NEDD4L: variants seen among roughly 807,000 people sequenced by gnomAD.
NEDD4L encodes E3 ubiquitin-protein ligase NEDD4-like.
A neutral mutation model predicts 148.9 loss-of-function variants in NEDD4L; 54 were observed. The ratio of observed to expected loss-of-function variants is 0.36; its 90% CI spans 0.29 to 0.45. NEDD4L has a LOEUF of 0.45. Among genes scored for constraint, NEDD4L ranks in the 20% least tolerant of loss-of-function variants. The probability of loss-of-function intolerance (pLI) is 1.00; values close to 1 mark genes in which losing one functional copy is unlikely to be tolerated. For synonymous variants in NEDD4L, 433 were observed against 440.7 expected (o/e 0.98, Z 0.22); for missense variants, 856 against 1,233.8 (o/e 0.69, Z 4.59).
At chr18:58,070,675 T>A (rs1261858401) in intron 1 of NEDD4L, among the ~76,000 whole-genome samples, 1 of 152,080 alleles carries the variant, frequency 6.6e-6, no homozygotes, top group African/African-American at 2.4e-5. Context: ...AGCAGAGTGT[T>A]GAAGGCATGC....
chr18:58,161,859 G>A (rs1039195478), intron 1 of NEDD4L, among the ~76,000 whole-genome samples: 1 of 152,024 alleles, frequency 6.6e-6, no homozygotes, highest in Non-Finnish European at 1.5e-5. Flanking sequence ...TTTTGAAGAG[G>A]CCTCATACCT....
chr18:58,369,209 A>G (rs928933267), intron 22 of NEDD4L, among the ~76,000 whole-genome samples: 1 of 152,116 alleles, frequency 6.6e-6, no homozygotes, highest in African/African-American at 2.4e-5. Flanking sequence ...GTAGCATTTG[A>G]GCGTTCAAAG....
chr18:58,149,569 G>A lies in NEDD4L; in HGVS notation c.49-16219G>A, dbSNP rs775377421. 3.9e-5 allele frequency: 60 copies of A among 1,532,050 alleles called. 1 individual carries two copies. The South Asian group carries it at 6.8e-4, about 17-fold the overall frequency. 94.9% of individuals were successfully genotyped at this position (1,532,050 alleles called of 1,614,324 possible). On this transcript the variant is annotated intron_variant, in intron 1 of 30. Coordinates refer to ENST00000400345, the MANE Select transcript of NEDD4L (RefSeq NM_001144967.3). ...TCTCGCATTTGAGCAGGTAACACTCGGTAAGACTTTGCTTGGTGGGGGAGG... is the reference window on the plus strand; with the variant it reads ...TCTCGCATTTGAGCAGGTAACACTCAGTAAGACTTTGCTTGGTGGGGGAGG...
chr18:58,367,491 A>G (rs1242094761), intron 21 of NEDD4L, among the ~76,000 whole-genome samples: 3 of 152,128 alleles, frequency 2.0e-5, no homozygotes, highest in Non-Finnish European at 2.9e-5. Context: ...TGAAATAGAC[A>G]CTTCGTAGGT....
At chr18:58,338,820 G>A (rs1440938468) in intron 13 of NEDD4L, among the ~76,000 whole-genome samples, 2 of 152,180 alleles carry the variant, frequency 1.3e-5, no homozygotes, top group Non-Finnish European at 2.9e-5. Context: ...GGAGGCTAAG[G>A]CAGGAGAATC....
chr18:58,173,709 G>T (rs531650097), intron 2 of NEDD4L, among the ~76,000 whole-genome samples: 2 of 152,190 alleles, frequency 1.3e-5, no homozygotes, highest in African/African-American at 4.8e-5. Context: ...AAATACTTCA[G>T]CCCAAACCTC....
intron 1 of NEDD4L, among the ~76,000 whole-genome samples, chr18:58,139,888 G>C (rs1007074359): frequency 2.6e-5 from 4 of 152,198 alleles, no homozygotes; most frequent in Non-Finnish European, 5.9e-5. Flanking sequence ...AGTCAGGCAG[G>C]TGAGATGGAG....
At chr18:58,382,955 TAAATG>T (rs903601013) in intron 24 of NEDD4L, among the ~76,000 whole-genome samples, 14 of 152,370 alleles carry the variant, frequency 9.2e-5, no homozygotes, top group African/African-American at 3.1e-4. Context: ...AGTTTCCTGA[TAAATG>T]AATAGCAGAG....
intron 16 of NEDD4L, among the ~76,000 whole-genome samples, chr18:58,346,088 AAG>A (rs2043024976): frequency 6.6e-6 from 1 of 152,148 alleles, no homozygotes; most frequent in African/African-American, 2.4e-5. Context: ...GAAAGAAAGA[AAG>A]ATTGGCTTTG....
chr18:58,105,199 C>G (rs1365750563), intron 1 of NEDD4L, among the ~76,000 whole-genome samples: 1 of 152,134 alleles, frequency 6.6e-6, no homozygotes, highest in Non-Finnish European at 1.5e-5. Flanking sequence ...AGAAATCTGT[C>G]GGCAAGGAGA....
intron 1 of NEDD4L, among the ~76,000 whole-genome samples, chr18:58,140,311 T>A (rs1015442716): frequency 1.3e-5 from 2 of 152,238 alleles, no homozygotes; most frequent in African/African-American, 4.8e-5. Flanking sequence ...TCATACTTCC[T>A]AAGCTTTATA....
intron 2 of NEDD4L, among the ~76,000 whole-genome samples, chr18:58,168,775 T>C (rs2037184773): frequency 6.6e-6 from 1 of 152,196 alleles, no homozygotes; most frequent in Non-Finnish European, 1.5e-5. Context: ...ATGAGAGGCA[T>C]TTCAGAGCCT....
At chr18:58,084,155 T>C (rs2083620466) in intron 1 of NEDD4L, among the ~76,000 whole-genome samples, 2 of 152,218 alleles carry the variant, frequency 1.3e-5, no homozygotes, top group African/African-American at 4.8e-5. Flanking sequence ...TATTGTGTGA[T>C]TCCACATATT....
At chr18:58,220,736 T>A (rs1056292022) in intron 2 of NEDD4L, among the ~76,000 whole-genome samples, 8 of 152,204 alleles carry the variant, frequency 5.3e-5, no homozygotes, top group Non-Finnish European at 1.0e-4. Context: ...GGTGGAGGGC[T>A]GCATGGGTTG....
chr18:58,248,900 C>T lies in NEDD4L; in HGVS notation c.206C>T (p.Thr69Ile), dbSNP rs750511549. The T allele has an allele frequency of 6.7e-7, 1 of 1,489,230 alleles. No homozygotes were observed. The highest frequency in any genetic ancestry group is 1.2e-5 in the South Asian group (1 of 81,974). 92.3% of individuals were successfully genotyped at this position (1,489,230 alleles called of 1,614,324 possible). Residue 69 changes from threonine (T) to isoleucine (I), a missense_variant and splice_region_variant, in exon 4 of 31, where the codon ACA becomes ATA. Physicochemically the swap from Thr to Ile is moderately conservative, Grantham distance 89 (BLOSUM62 -1). This residue lies in a region of NEDD4L where 193 missense variants were observed against 244.2 expected (regional missense o/e 0.79). Coordinates refer to ENST00000400345, the MANE Select transcript of NEDD4L (RefSeq NM_001144967.3). ...ALVQTKTIKK[T>I]LNPKWNEEFY... ...ACTACAAGATAATTTCTCTTCCAGA[C>T]ACTGAACCCAAAATGGAATGAAGAA...
intron 9 of NEDD4L, among the ~76,000 whole-genome samples, chr18:58,326,545 A>G (rs1468978504): frequency 2.0e-5 from 3 of 152,168 alleles, no homozygotes; most frequent in Admixed American, 6.5e-5. Flanking sequence ...ATGAATTTGG[A>G]CCCACCTTGG....
intron 5 of NEDD4L, among the ~76,000 whole-genome samples, chr18:58,257,113 C>T (rs182365627): frequency 7.0e-4 from 106 of 152,222 alleles, no homozygotes; most frequent in African/African-American, 2.4e-3. Context: ...CAAGTCAGTG[C>T]CCCAACGTGC....
At chr18:58,133,605 T>A (rs1490641893) in intron 1 of NEDD4L, among the ~76,000 whole-genome samples, 1 of 152,214 alleles carries the variant, frequency 6.6e-6, no homozygotes, top group Non-Finnish European at 1.5e-5. Context: ...ATTTTTTTTC[T>A]TAATATAGTA....
At chr18:58,214,815 T>TTTTTTG (rs1291603873) in intron 2 of NEDD4L, among the ~76,000 whole-genome samples, 3,217 of 126,764 alleles carry the variant, frequency 0.025, 32 homozygotes, top group Non-Finnish European at 0.042. Flanking sequence ...TTTTTTTTTT[T>TTTTTTG]TTGTTGTTGT....
Sources: allele counts gnomAD v4.1 joint callset (sites outside exome capture counted in the v4.1 genomes callset), GRCh38; gene constraint gnomAD v4.1.1; regional missense constraint gnomAD v4.1.1; transcripts MANE v1.5; gene names NCBI Gene and HGNC (gene_info 2026-07-23, HGNC 2026-07-21).